The following FAT3 variants were observed in gnomAD, a reference collection of about 807,000 sequenced individuals.
FAT3 encodes protocadherin Fat 3.
In FAT3, 95 loss-of-function variants were observed where a neutral mutation model predicts 310.2. The ratio of observed to expected loss-of-function variants is 0.31; its 90% CI spans 0.26 to 0.36. FAT3 has a LOEUF of 0.36. Among genes scored for constraint, FAT3 ranks in the 10% least tolerant of loss-of-function variants. The pLI is 1.00. For missense variants in FAT3, 5,408 were observed against 5,715.6 expected (o/e 0.95, Z 1.74); for synonymous variants, 2,314 against 2,192.9 (o/e 1.06, Z -1.54).
intron 3 of FAT3, among the ~76,000 whole-genome samples, chr11:92,682,480 C>T (rs572002444): frequency 5.1e-4 from 77 of 152,330 alleles, no homozygotes; most frequent in African/African-American, 1.8e-3. Flanking sequence ...CTAGCTGGGC[C>T]TTACTTTCCT....
Position 92,882,879 on chromosome 11 carries a change from C to A in FAT3, c.12423C>A (p.Pro4141=), listed in dbSNP as rs2136409983. Reference sequence around the variant, plus strand: ...GCGGGCTGCGCCCCGTGGTGGTACCCAATATCCAGGCTGGCCACTCCTACG... The same window carrying A: ...GCGGGCTGCGCCCCGTGGTGGTACCAAATATCCAGGCTGGCCACTCCTACG... The part of the protein sequence containing the change: ...QYCGLRPVVV[P]NIQAGHSYVG... The change falls in exon 24 of 28, where the codon CCC becomes CCA. Residue 4141 remains proline (P), a synonymous_variant. Transcript: ENST00000525166. 1.2e-6 allele frequency: 2 copies of A among 1,612,506 alleles called. No homozygotes were observed. Among genetic ancestry groups the A allele is most frequent in the Non-Finnish European group, 1.7e-6 (2 of 1,179,434 alleles).
At chr11:92,636,096 T>A (rs747714135) in intron 3 of FAT3, among the ~76,000 whole-genome samples, 4 of 152,130 alleles carry the variant, frequency 2.6e-5, no homozygotes, top group Non-Finnish European at 5.9e-5. Flanking sequence ...CCCGAGTAAC[T>A]GGGACTACAG....
Position 92,831,915 on chromosome 11 carries a change from T to C in FAT3, c.9775T>C (p.Phe3259Leu), listed in dbSNP as rs547624341. 1 of 1,609,740 alleles carries C rather than the reference T, an allele frequency of 6.2e-7. No homozygotes were observed. The highest frequency in any genetic ancestry group is 1.3e-5 in the African/African-American group (1 of 74,994). ...CCCTGGCACCCAAGTCCTTGCTGTTTTTGCCACCAGCAAAGATATTGGCAC... is the reference window on the plus strand; with the variant it reads ...CCCTGGCACCCAAGTCCTTGCTGTTCTTGCCACCAGCAAAGATATTGGCAC... ...TSPGTQVLAV[F>L]ATSKDIGTNA... is the part of the protein sequence containing the mutation. The change falls in exon 14 of 28, where the codon TTT (phenylalanine) becomes CTT (leucine). Residue 3259 changes from phenylalanine to leucine, a missense_variant. Around this residue, in one of 5 missense-constraint regions of FAT3, gnomAD observed 4,588 missense variants for 4,809.8 expected, o/e 0.95. Transcript: ENST00000525166.
At chr11:92,642,042 T>C (rs1158011349) in intron 3 of FAT3, among the ~76,000 whole-genome samples, 1 of 152,204 alleles carries the variant, frequency 6.6e-6, no homozygotes, top group African/African-American at 2.4e-5. Context: ...CTGGACCACA[T>C]GTCCATTCTT....
intron 4 of FAT3, among the ~76,000 whole-genome samples, chr11:92,733,322 G>A (rs1945242393): frequency 6.6e-6 from 1 of 151,958 alleles, no homozygotes; most frequent in South Asian, 2.1e-4. Context: ...CTGAAGCCTT[G>A]TACATGAAAG....
At chr11:92,828,701 C>T (rs887677512) in intron 13 of FAT3, among the ~76,000 whole-genome samples, 5 of 152,166 alleles carry the variant, frequency 3.3e-5, no homozygotes, top group East Asian at 1.9e-4. Flanking sequence ...AGAATCTGCC[C>T]GGAGGGGAGC....
At chr11:92,622,042 T>C (rs889201271) in intron 3 of FAT3, among the ~76,000 whole-genome samples, 1 of 152,166 alleles carries the variant, frequency 6.6e-6, no homozygotes, top group Non-Finnish European at 1.5e-5. Context: ...TCTTATCCAT[T>C]AGCCCCTAGG....
rs370470349 is a variant in FAT3 at position 92,834,991 on chromosome 11, C to T, written c.9993C>T (p.Leu3331=). 20 of 1,613,722 alleles carry T rather than the reference C, an allele frequency of 1.2e-5. No homozygotes were observed. In the African/African-American group the frequency reaches 2.4e-4, roughly 19 times the overall value. ...LSAVATVNIN[L]TDVNDNPPKF... ...CTGTGGCCACTGTCAACATCAACCTCACAGATGTTAATGACAACCCTCCCA... is the reference window on the plus strand; with the variant it reads ...CTGTGGCCACTGTCAACATCAACCTTACAGATGTTAATGACAACCCTCCCA... The change falls in exon 15 of 28, where the codon CTC becomes CTT. Residue 3331 remains leucine, a synonymous_variant. Coordinates refer to ENST00000525166, the MANE Select transcript of FAT3 (RefSeq NM_001367949.2).
chr11:92,409,182 A>T (rs1355516340), intron 2 of FAT3, among the ~76,000 whole-genome samples: 1 of 152,162 alleles, frequency 6.6e-6, no homozygotes, highest in Non-Finnish European at 1.5e-5. Context: ...TTTAGCACAG[A>T]TGTTAATAAA....
At chr11:92,803,451 A>G (rs1325982888) in intron 10 of FAT3, among the ~76,000 whole-genome samples, 1 of 152,250 alleles carries the variant, frequency 6.6e-6, no homozygotes, top group Non-Finnish European at 1.5e-5. Flanking sequence ...CACTGAAAGC[A>G]TTTAATAGAG....
At chr11:92,806,796 G>A (rs922078194) in intron 12 of FAT3, among the ~76,000 whole-genome samples, 96 of 152,300 alleles carry the variant, frequency 6.3e-4, no homozygotes, top group African/African-American at 2.1e-3. Flanking sequence ...GCTGTTGCTA[G>A]GGGAGAGGGA....
At chr11:92,226,085 AGTGT>A (rs887475042) in intron 1 of FAT3, among the ~76,000 whole-genome samples, 1 of 152,070 alleles carries the variant, frequency 6.6e-6, no homozygotes, top group Non-Finnish European at 1.5e-5. Flanking sequence ...TCTACAGGCC[AGTGT>A]GTGTGCAGGG....
At chr11:92,276,832 A>G (rs1946287468) in intron 1 of FAT3, among the ~76,000 whole-genome samples, 1 of 152,154 alleles carries the variant, frequency 6.6e-6, no homozygotes, top group Non-Finnish European at 1.5e-5. Flanking sequence ...TACTGTGGCA[A>G]TAGCTAACTG....
chr11:92,252,906 T>G (rs991473091), intron 1 of FAT3, among the ~76,000 whole-genome samples: 1 of 152,236 alleles, frequency 6.6e-6, no homozygotes, highest in Admixed American at 6.5e-5. Flanking sequence ...AAGGCATCTC[T>G]TCATCAGGCC....
intron 1 of FAT3, among the ~76,000 whole-genome samples, chr11:92,310,893 T>C (rs1268816587): frequency 6.6e-6 from 1 of 152,028 alleles, no homozygotes; most frequent in African/African-American, 2.4e-5. Context: ...AGACCAGAGA[T>C]GTTTTGAGCG....
In FAT3 at chr11:92,224,849, C is replaced by T. The variant is rs1328697296; in HGVS notation, c.-343C>T. 6.6e-6 allele frequency among the ~76,000 whole-genome samples: 1 copy of T among 152,062 alleles called. No individual in the cohort carries two copies. Among genetic ancestry groups the T allele is most frequent in the Admixed American group, 6.5e-5 (1 of 15,294 alleles). On this transcript the variant is annotated 5_prime_UTR_variant, in exon 1 of 28. Transcript: ENST00000525166. ...GGCGGCGGCTGCAGCTCGGAGCAGA[C>T]AGGAGAGCCGGCGCTCCTCCCCGCA... is the stretch of plus-strand genomic sequence containing the variant.
At chr11:92,544,465 A>G (rs1018384222) in intron 3 of FAT3, among the ~76,000 whole-genome samples, 4 of 152,152 alleles carry the variant, frequency 2.6e-5, no homozygotes, top group Non-Finnish European at 5.9e-5. Flanking sequence ...TATCTCATGT[A>G]CTCTGAAAAT....
chr11:92,418,634 A>G (rs1318385541), intron 2 of FAT3, among the ~76,000 whole-genome samples: 1 of 151,926 alleles, frequency 6.6e-6, no homozygotes, highest in Admixed American at 6.6e-5. Flanking sequence ...CCCAGGACCC[A>G]TCTGAACTGC....
At chr11:92,804,640 A>C (rs1947451879) in intron 10 of FAT3, among the ~76,000 whole-genome samples, 1 of 152,194 alleles carries the variant, frequency 6.6e-6, no homozygotes, top group African/African-American at 2.4e-5. Context: ...TCTGTCGTGA[A>C]AACTTTTCTC....
Sources: allele counts gnomAD v4.1 joint callset (sites outside exome capture counted in the v4.1 genomes callset), GRCh38; gene constraint gnomAD v4.1.1; regional missense constraint gnomAD v4.1.1; transcripts MANE v1.5; gene names NCBI Gene and HGNC (gene_info 2026-07-23, HGNC 2026-07-21).